Variants in GAPVD1 observed in about 807,000 individuals in gnomAD.
GAPVD1 encodes the protein GTPase activating protein and VPS9 domains 1, also known as GTPase-activating protein and VPS9 domain-containing protein 1.
In GAPVD1, 35 loss-of-function variants were observed where a neutral mutation model predicts 155.5. That is an observed-to-expected ratio of 0.23 (90% confidence interval 0.17 to 0.30). The LOEUF (loss-of-function observed/expected upper bound fraction) is 0.30, where lower values mean the gene tolerates loss of function less well. GAPVD1 is among the 10% of genes least tolerant of loss of function. The probability of loss-of-function intolerance (pLI) is 1.00; values close to 1 mark genes in which losing one functional copy is unlikely to be tolerated. For missense variants in GAPVD1, 1,429 were observed against 1,775.7 expected (o/e 0.80, Z 3.51); for synonymous variants, 636 against 619.7 (o/e 1.03, Z -0.39).
intron 1 of GAPVD1, among the ~76,000 whole-genome samples, chr9:125,268,000 T>C (rs1327156423): frequency 6.6e-6 from 1 of 151,532 alleles, no homozygotes; most frequent in African/African-American, 2.4e-5. Flanking sequence ...CCATCTCTAC[T>C]AAAAATACAA....
Position 125,337,237 on chromosome 9 carries a change from A to G in GAPVD1, c.2523A>G (p.Val841=), listed in dbSNP as rs759794932. The G allele has an allele frequency of 3.8e-5, 62 of 1,613,898 alleles. No homozygotes were observed. The South Asian group carries it at 5.9e-4, about 15-fold the overall frequency. The stretch of plus-strand genomic sequence containing the variant: ...GTGTTGCAGGGGCTTCTGCTGTGGT[A>G]AGGCCAAAGGTTCACTATGCTAGGC... The part of the protein sequence containing the change: ...LSSHEGASAV[V]RPKVHYARPS... Residue 841 remains valine (V), a synonymous_variant, in exon 17 of 28, where the codon GTA becomes GTG. Coordinates refer to ENST00000297933, the MANE Select transcript of GAPVD1 (RefSeq NM_001282680.3).
chr9:125,359,908 G>C (rs1850670649), intron 26 of GAPVD1: 1 of 160,478 alleles, frequency 6.2e-6, no homozygotes, highest in Non-Finnish European at 1.4e-5. Context: ...ATTGATATTA[G>C]CATTTTTACC....
chr9:125,275,860 A>G (rs1835698680), intron 2 of GAPVD1, among the ~76,000 whole-genome samples: 1 of 152,226 alleles, frequency 6.6e-6, no homozygotes, highest in Non-Finnish European at 1.5e-5. Flanking sequence ...ATAGTCATGG[A>G]ACATTAGTAT....
chr9:125,337,407 T>C lies in GAPVD1; in HGVS notation c.2693T>C (p.Val898Ala), dbSNP rs1271981896. Reference protein sequence around the residue: ...KQRHSYPERLVRSRSSDIVSS... With the variant: ...KQRHSYPERLARSRSSDIVSS... The stretch of plus-strand genomic sequence containing the variant: ...AGGCATTCTTACCCTGAGAGACTAG[T>C]TCGAAGCAGGAGCTCTGATATAGTA... Residue 898 changes from valine to alanine, a missense_variant, in exon 17 of 28, where the codon GTT (valine) becomes GCT (alanine). This residue lies in a region of GAPVD1 where 699 missense variants were observed against 826.0 expected (regional missense o/e 0.85). Transcript: ENST00000297933. The C allele has an allele frequency of 8.7e-6, 14 of 1,614,066 alleles. No individual in the cohort carries two copies. The highest frequency in any genetic ancestry group is 1.2e-5 in the Non-Finnish European group (14 of 1,179,918).
At position 125,296,358 on chromosome 9, in the gene GAPVD1, G is replaced by GTTTTTGTTTTTGT. The variant is rs1554758518; in HGVS notation, c.-33+789_-33+790insGTTTTTGTTTTTT. ...ACACCCGGCCACATATAGTTCTTAG[G>GTTTTTGTTTTTGT]TTTTTTTTTTTTTTTGAGATGGAGT... On this transcript the variant is annotated intron_variant, in intron 3 of 27. Transcript: ENST00000297933. Among the ~76,000 whole-genome samples, 9 of 121,758 alleles carry GTTTTTGTTTTTGT rather than the reference G, an allele frequency of 7.4e-5. 1 individual carries two copies. The highest frequency in any genetic ancestry group is 1.8e-4 in the African/African-American group (5 of 28,166). The allele number at this position is 121,758 out of a possible 152,430, so 79.9% of individuals were successfully genotyped here.
At position 125,302,338 on chromosome 9, in the gene GAPVD1, T is replaced by G. The variant is rs1360127604; in HGVS notation, c.541T>G (p.Leu181Val). 6 of 1,614,130 alleles carry G rather than the reference T, an allele frequency of 3.7e-6. 1 individual carries two copies. The South Asian group carries it at 6.6e-5, about 18-fold the overall frequency. ...LRRGTCAFSI[L>V]FKLFSEGLFS... ...GAGAGGAACTTGTGCCTTCAGCATC[T>G]TATTTAAACTTTTTTCTGAAGGACT... The change falls in exon 5 of 28, where the codon TTA becomes GTA. Residue 181 changes from leucine to valine, a missense_variant. Physicochemically the swap from Leu to Val is conservative, Grantham distance 32. This residue lies in a region of GAPVD1 where 628 missense variants were observed against 733.4 expected (regional missense o/e 0.86). Coordinates refer to ENST00000297933, the MANE Select transcript of GAPVD1 (RefSeq NM_001282680.3).
intron 2 of GAPVD1, among the ~76,000 whole-genome samples, chr9:125,280,055 G>A (rs1436122202): frequency 9.9e-5 from 15 of 150,958 alleles, no homozygotes; most frequent in Admixed American, 7.9e-4. Context: ...GAGCCGCTGC[G>A]CTGGCCAAAA....
chr9:125,320,584 A>G (rs1844177720), intron 9 of GAPVD1, among the ~76,000 whole-genome samples: 1 of 152,102 alleles, frequency 6.6e-6, no homozygotes, highest in African/African-American at 2.4e-5. Context: ...TTTTATTTAA[A>G]TTTTGCAAAT....
chr9:125,283,222 G>T (rs942881392), intron 2 of GAPVD1, among the ~76,000 whole-genome samples: 4 of 151,680 alleles, frequency 2.6e-5, no homozygotes, highest in African/African-American at 9.7e-5. Context: ...ACCACACCCA[G>T]CTAATTTTGT....
intron 7 of GAPVD1, 31 bp from the exon 8 acceptor site, chr9:125,307,660 T>C (rs776247839): frequency 1.9e-6 from 3 of 1,593,634 alleles, no homozygotes; most frequent in Non-Finnish European, 2.6e-6. Context: ...AAAAAGTGAT[T>C]TCATTAGCTA....
chr9:125,263,279 T>C (rs1833256302), intron 1 of GAPVD1, among the ~76,000 whole-genome samples: 1 of 152,176 alleles, frequency 6.6e-6, no homozygotes, highest in Non-Finnish European at 1.5e-5. Flanking sequence ...TGAAACCCCA[T>C]CTCTACTAAA....
chr9:125,333,342 A>C (rs901607312), intron 15 of GAPVD1, among the ~76,000 whole-genome samples: 2 of 152,034 alleles, frequency 1.3e-5, no homozygotes, highest in South Asian at 4.1e-4. Context: ...GGCCTCCCAA[A>C]GTGCTGGGAG....
chr9:125,366,032 CT>C lies in GAPVD1; in HGVS notation c.*3287del, dbSNP rs1484045863. 6.6e-6 allele frequency: 1 copy of C among 152,204 alleles called. No individual in the cohort carries two copies. Among genetic ancestry groups the C allele is most frequent in the Non-Finnish European group, 1.5e-5 (1 of 68,034 alleles). 9.4% of individuals were successfully genotyped at this position (152,204 alleles called of 1,614,324 possible). ...TCTCAGCCACAGTAATTGCTTTCTT[CT>C]GCTTTTTCTTTATAAAAACCTGCTT... On this transcript the variant is annotated 3_prime_UTR_variant, in exon 28 of 28. Transcript: ENST00000297933.
intron 25 of GAPVD1, among the ~76,000 whole-genome samples, chr9:125,358,902 C>G (rs769159831): frequency 1.3e-5 from 2 of 152,196 alleles, no homozygotes; most frequent in Non-Finnish European, 2.9e-5. Flanking sequence ...GGAAGGAACA[C>G]GAGCAGCCAG....
intron 15 of GAPVD1, among the ~76,000 whole-genome samples, chr9:125,332,859 C>T (rs950689623): frequency 1.3e-5 from 2 of 151,870 alleles, no homozygotes; most frequent in Non-Finnish European, 2.9e-5. Flanking sequence ...GTCCTTAGCA[C>T]GAAGATGTTC....
At chr9:125,350,607 C>A in intron 22 of GAPVD1, 106 bp from the exon 23 acceptor site, 2 of 735,006 alleles carry the variant, frequency 2.7e-6, no homozygotes, top group South Asian at 1.8e-5. Flanking sequence ...CAGCTTAGTT[C>A]TAATGATACG....
chr9:125,319,985 G>A (rs911214686), intron 9 of GAPVD1, among the ~76,000 whole-genome samples: 1 of 151,974 alleles, frequency 6.6e-6, no homozygotes, highest in African/African-American at 2.4e-5. Context: ...CAGCAACCAA[G>A]AATTTTTTTT....
At chr9:125,352,805 T>A (rs779908398) in intron 23 of GAPVD1, among the ~76,000 whole-genome samples, 1 of 152,158 alleles carries the variant, frequency 6.6e-6, no homozygotes, top group Non-Finnish European at 1.5e-5. Context: ...ATGCTCTGTT[T>A]CCCTTATAAA....
chr9:125,315,935 CCTGG>C (rs1309711516), intron 9 of GAPVD1, among the ~76,000 whole-genome samples: 1 of 152,068 alleles, frequency 6.6e-6, no homozygotes, highest in Non-Finnish European at 1.5e-5. Context: ...TTGCAAACTG[CCTGG>C]CTAAGTGTTG....
Sources: gnomAD v4.1 joint callset for allele counts (sites outside exome capture counted in the v4.1 genomes callset) on GRCh38, gnomAD v4.1.1 for gene constraint, gnomAD v4.1.1 regional missense constraint, MANE v1.5 for transcripts, NCBI Gene and HGNC (gene_info 2026-07-23, HGNC 2026-07-21) for gene names.